Variants in SUMF1 observed in about 807,000 individuals in gnomAD.
SUMF1 encodes the protein sulfatase modifying factor 1, also known as formylglycine-generating enzyme.
Under a neutral mutation model 47.6 loss-of-function variants are expected in SUMF1, and 48 were observed. That is an observed-to-expected ratio of 1.01 (90% CI 0.80 to 1.28). The LOEUF (loss-of-function observed/expected upper bound fraction) is 1.28, where lower values mean the gene tolerates loss of function less well. Ranked by LOEUF, SUMF1 falls within the 50% of genes most tolerant of loss-of-function variation. The pLI is 0.00. For synonymous variants in SUMF1, 230 were observed against 192.1 expected (o/e 1.20, Z -1.63); for missense variants, 571 against 485.4 (o/e 1.18, Z -1.66).
intron 8 of SUMF1, among the ~76,000 whole-genome samples, chr3:4,125,223 T>A (rs1218225338): frequency 6.6e-6 from 1 of 152,030 alleles, no homozygotes; most frequent in Non-Finnish European, 1.5e-5. Context: ...AAAAATAAAA[T>A]AAAATAAATG....
intron 8 of SUMF1, among the ~76,000 whole-genome samples, chr3:4,261,670 G>C (rs1311461519): frequency 1.3e-5 from 2 of 152,174 alleles, no homozygotes; most frequent in African/African-American, 4.8e-5. Context: ...TCGCAGCAAT[G>C]CCAGAGTCAG....
intron 7 of SUMF1, 65 bp downstream of exon 7, chr3:4,410,800 G>T: frequency 2.1e-6 from 3 of 1,410,352 alleles, no homozygotes; most frequent in Non-Finnish European, 3.0e-6. Flanking sequence ...TGACAGCCTG[G>T]CTGCAGACTG....
intron 8 of SUMF1, among the ~76,000 whole-genome samples, chr3:4,252,801 G>A (rs986744547): frequency 6.6e-6 from 1 of 152,032 alleles, no homozygotes; most frequent in Non-Finnish European, 1.5e-5. Flanking sequence ...ACTGCAAATG[G>A]TCTGACTCAG....
intron 8 of SUMF1, among the ~76,000 whole-genome samples, chr3:4,165,717 C>T (rs114181522): frequency 0.028 from 4,292 of 151,710 alleles, 95 homozygotes; most frequent in African/African-American, 0.051. Flanking sequence ...GACCATGGTG[C>T]AGAAAAAAAT....
chr3:4,071,072 T>TTG (rs1695510197), intron 8 of SUMF1, among the ~76,000 whole-genome samples: 1 of 152,106 alleles, frequency 6.6e-6, no homozygotes, highest in African/African-American at 2.4e-5. Context: ...ACATATATAT[T>TTG]TGTATATATA....
Position 4,079,217 on chromosome 3 carries a change from C to T in SUMF1, c.1015-10472G>A, listed in dbSNP as rs369848349. ...GCCAAAATACCCTGTATTCCAGCTT[C>T]TGTAAATATTATTAGCTAACACCTC... On this transcript the variant is annotated intron_variant and NMD_transcript_variant, in intron 8 of 12. Coordinates refer to the SUMF1 transcript ENST00000448413. 1.1e-4 allele frequency among the ~76,000 whole-genome samples: 17 copies of T among 152,250 alleles called. 3 individuals carry two copies. The highest frequency in any genetic ancestry group is 1.9e-4 in the East Asian group (1 of 5,182).
intron 8 of SUMF1, among the ~76,000 whole-genome samples, chr3:4,363,550 T>C (rs1699842816): frequency 6.6e-6 from 1 of 151,854 alleles, no homozygotes; most frequent in African/African-American, 2.4e-5. Flanking sequence ...ATAAGATTGC[T>C]TGTGATTTTT....
intron 8 of SUMF1, among the ~76,000 whole-genome samples, chr3:4,229,594 A>G (rs982546305): frequency 7.9e-5 from 12 of 152,210 alleles, no homozygotes; most frequent in African/African-American, 2.9e-4. Flanking sequence ...CCTGACACAC[A>G]GTAAACATTT....
At chr3:4,455,647 G>A (rs1231591748) in intron 1 of SUMF1, among the ~76,000 whole-genome samples, 1 of 152,178 alleles carries the variant, frequency 6.6e-6, no homozygotes, top group African/African-American at 2.4e-5. Context: ...AACCCAGGAG[G>A]TGGAGGTTGC....
At chr3:4,368,037 G>C (rs1318882656) in intron 8 of SUMF1, among the ~76,000 whole-genome samples, 1 of 151,952 alleles carries the variant, frequency 6.6e-6, no homozygotes, top group African/African-American at 2.4e-5. Flanking sequence ...ACTACCATCA[G>C]AGTGAACAGG....
chr3:4,436,557 T>C (rs1702404909), intron 3 of SUMF1, among the ~76,000 whole-genome samples: 1 of 150,010 alleles, frequency 6.7e-6, no homozygotes, highest in South Asian at 2.1e-4. Context: ...GAAAGGGCAA[T>C]ATTCAAAAAA....
intron 8 of SUMF1, among the ~76,000 whole-genome samples, chr3:4,268,172 TGGGAA>T (rs1340941738): frequency 1.3e-5 from 2 of 151,094 alleles, no homozygotes; most frequent in East Asian, 3.9e-4. Context: ...CACTCACAGG[TGGGAA>T]CTGAACAATG....
intron 8 of SUMF1, among the ~76,000 whole-genome samples, chr3:4,072,121 G>A (rs538639801): frequency 2.0e-5 from 3 of 152,254 alleles, no homozygotes; most frequent in Non-Finnish European, 4.4e-5. Context: ...TTGCTGTTCT[G>A]CAGCCTCCTT....
intron 9 of SUMF1, among the ~76,000 whole-genome samples, chr3:4,053,618 T>C (rs927539667): frequency 1.3e-5 from 2 of 152,092 alleles, no homozygotes; most frequent in African/African-American, 4.8e-5. Flanking sequence ...CCCAGAATCT[T>C]TTCTCCCCCT....
intron 8 of SUMF1, among the ~76,000 whole-genome samples, chr3:4,338,324 G>A (rs940266307): frequency 2.6e-5 from 4 of 151,668 alleles, no homozygotes; most frequent in East Asian, 1.9e-4. Flanking sequence ...ATTTACTATC[G>A]TCATCCATTC....
chr3:4,418,408 T>C (rs1323872271), intron 4 of SUMF1, among the ~76,000 whole-genome samples: 2 of 152,242 alleles, frequency 1.3e-5, no homozygotes, highest in Non-Finnish European at 1.5e-5. Context: ...GTCATTGGTA[T>C]GGCAGATGCG....
At chr3:4,234,282 G>T (rs768449565) in intron 8 of SUMF1, among the ~76,000 whole-genome samples, 2 of 151,534 alleles carry the variant, frequency 1.3e-5, no homozygotes, top group African/African-American at 4.8e-5. Context: ...AAATAAATTC[G>T]CATGCAAGAA....
At chr3:4,340,515 C>T (rs144588977) in intron 8 of SUMF1, among the ~76,000 whole-genome samples, 22 of 152,316 alleles carry the variant, frequency 1.4e-4, no homozygotes, top group African/African-American at 4.6e-4. Flanking sequence ...AGATCACTTT[C>T]ACTACAGTGA....
At chr3:4,151,034 T>A (rs562166245) in intron 8 of SUMF1, among the ~76,000 whole-genome samples, 2 of 151,530 alleles carry the variant, frequency 1.3e-5, no homozygotes, top group South Asian at 4.1e-4. Flanking sequence ...GCCTGCTTCG[T>A]CACACTTCAA....
Sources: allele counts gnomAD v4.1 joint callset (sites outside exome capture counted in the v4.1 genomes callset), GRCh38; gene constraint gnomAD v4.1.1; transcripts MANE v1.5; gene names NCBI Gene and HGNC (gene_info 2026-07-23, HGNC 2026-07-21).